SH3BGRL2: variants seen among roughly 807,000 people sequenced by gnomAD.
SH3BGRL2 encodes SH3 domain binding glutamate rich protein like 2.
A neutral mutation model predicts 14.8 loss-of-function variants in SH3BGRL2; 21 were observed. The observed-to-expected ratio is 1.42, with a 90% CI of 1.01 to 2.05. The LOEUF (loss-of-function observed/expected upper bound fraction) is 2.05, where lower values mean the gene tolerates loss of function less well. Ranked by LOEUF, SH3BGRL2 falls within the 30% of genes most tolerant of loss-of-function variation. SH3BGRL2 has a pLI of 0.00. For missense variants in SH3BGRL2, 147 were observed against 130.8 expected, an observed-to-expected ratio of 1.12 and a Z score of -0.61; for synonymous variants, 50 against 47.8, an observed-to-expected ratio of 1.05 and a Z score of -0.19.
chr6:79,593,181 A>G, the SH3BGRL2 span, among the ~76,000 whole-genome samples: 1 of 152,244 alleles, frequency 6.6e-6, no homozygotes, highest in East Asian at 1.9e-4. Context: ...AAACAACTGT[A>G]TACCTTCATT....
At chr6:79,549,146 AAC>A in the SH3BGRL2 span, among the ~76,000 whole-genome samples, 1 of 152,220 alleles carries the variant, frequency 6.6e-6, no homozygotes, top group South Asian at 2.1e-4. Context: ...AAAGATTAAA[AAC>A]ACACATTAAG....
At chr6:79,608,094 G>T in the SH3BGRL2 span, among the ~76,000 whole-genome samples, 2 of 152,192 alleles carry the variant, frequency 1.3e-5, no homozygotes, top group Non-Finnish European at 2.9e-5. Context: ...ACAGGAGGAA[G>T]AGAGCTAAGG....
chr6:79,627,971 A>G (rs1768762434), upstream of SH3BGRL2, among the ~76,000 whole-genome samples: 1 of 152,174 alleles, frequency 6.6e-6, no homozygotes, highest in Non-Finnish European at 1.5e-5. Flanking sequence ...TCTAACTGAA[A>G]TTTACCAATT....
chr6:79,584,287 A>G, the SH3BGRL2 span, among the ~76,000 whole-genome samples: 1 of 152,164 alleles, frequency 6.6e-6, no homozygotes, highest in Non-Finnish European at 1.5e-5. Context: ...ATGAATGCAT[A>G]TCTGTTGTTC....
chr6:79,687,009 C>T (rs879609626), intron 2 of SH3BGRL2, among the ~76,000 whole-genome samples: 2 of 152,178 alleles, frequency 1.3e-5, no homozygotes, highest in Non-Finnish European at 2.9e-5. Context: ...GCCTCTCAGG[C>T]CCCTGAAGCC....
In SH3BGRL2 at chr6:79,641,862, T is replaced by G. The variant is rs576032176; in HGVS notation, c.45+10356T>G. Among the ~76,000 whole-genome samples, 17 of 152,276 alleles carry G rather than the reference T, an allele frequency of 1.1e-4. No homozygotes were observed. In the East Asian group the frequency reaches 3.1e-3, roughly 28 times the overall value. ...GCTGAGAACGCATACAGGTATAATT[T>G]TAGGAGAGATTTTAGTAAATTTAAG... On this transcript the variant is annotated intron_variant, in intron 1 of 3. Coordinates refer to ENST00000369838, the MANE Select transcript of SH3BGRL2 (RefSeq NM_031469.4).
the SH3BGRL2 span, among the ~76,000 whole-genome samples, chr6:79,613,293 T>A: frequency 6.6e-6 from 1 of 152,238 alleles, no homozygotes; most frequent in East Asian, 1.9e-4. Context: ...ATCCAACTGT[T>A]CAAGTGCCTG....
At chr6:79,591,215 A>T in the SH3BGRL2 span, among the ~76,000 whole-genome samples, 1 of 152,198 alleles carries the variant, frequency 6.6e-6, no homozygotes, top group African/African-American at 2.4e-5. Context: ...GTAAGAAGAC[A>T]AGCATATAGA....
rs529086768 is a variant in SH3BGRL2 at position 79,701,515 on chromosome 6, G to T, written c.*2006G>T. 1 of 151,792 alleles carries T rather than the reference G, an allele frequency of 6.6e-6. No homozygotes were observed. Among genetic ancestry groups the T allele is most frequent in the South Asian group, 2.1e-4 (1 of 4,798 alleles). 9.4% of individuals were successfully genotyped at this position (151,792 alleles called of 1,614,324 possible). A position where few individuals can be genotyped will look rare whatever the true frequency, so the allele number is the denominator to read the frequency against. On this transcript the variant is annotated 3_prime_UTR_variant, in exon 4 of 4. Transcript: ENST00000369838. ...TTATATTATAATTTTTGAGTTAACCGTAGTATACCTATTATGATTATAGTA... is the reference window on the plus strand; with the variant it reads ...TTATATTATAATTTTTGAGTTAACCTTAGTATACCTATTATGATTATAGTA...
intron 1 of SH3BGRL2, among the ~76,000 whole-genome samples, chr6:79,655,562 C>T (rs922933075): frequency 1.2e-4 from 19 of 152,242 alleles, no homozygotes; most frequent in Admixed American, 6.5e-4. Context: ...AGAAATCTCA[C>T]ACCCCTTTAG....
intron 1 of SH3BGRL2, among the ~76,000 whole-genome samples, chr6:79,649,317 T>C (rs1769233538): frequency 6.6e-6 from 1 of 152,172 alleles, no homozygotes; most frequent in Non-Finnish European, 1.5e-5. Context: ...ACAGATTAAA[T>C]CAGGTTTGGC....
At chr6:79,695,293 T>C (rs1233587281) in intron 2 of SH3BGRL2, among the ~76,000 whole-genome samples, 2 of 152,248 alleles carry the variant, frequency 1.3e-5, no homozygotes, top group African/African-American at 4.8e-5. Flanking sequence ...AGGAGCAGCC[T>C]GTGAAAAACC....
intron 1 of SH3BGRL2, among the ~76,000 whole-genome samples, chr6:79,647,060 G>T (rs755470037): frequency 2.0e-5 from 3 of 152,174 alleles, no homozygotes; most frequent in African/African-American, 7.2e-5. Context: ...ATACCTAGGG[G>T]TGGAATTGGT....
At chr6:79,538,385 T>C in the SH3BGRL2 span, among the ~76,000 whole-genome samples, 19 of 152,192 alleles carry the variant, frequency 1.2e-4, no homozygotes, top group Admixed American at 6.5e-5. Context: ...TTGCACTGTT[T>C]CAAAGCTTTC....
chr6:79,610,151 G>A, the SH3BGRL2 span, among the ~76,000 whole-genome samples: 3 of 152,196 alleles, frequency 2.0e-5, no homozygotes, highest in Non-Finnish European at 2.9e-5. Flanking sequence ...CTATTTGATA[G>A]TGGTGAAAGA....
At chr6:79,592,324 C>T in the SH3BGRL2 span, among the ~76,000 whole-genome samples, 1 of 152,078 alleles carries the variant, frequency 6.6e-6, no homozygotes, top group East Asian at 1.9e-4. Context: ...CTAGGCCTCA[C>T]TAATATAAGG....
the SH3BGRL2 span, among the ~76,000 whole-genome samples, chr6:79,605,400 C>T: frequency 6.6e-6 from 1 of 152,186 alleles, no homozygotes; most frequent in African/African-American, 2.4e-5. Context: ...TAAATGAATA[C>T]CTTCATGATC....
At chr6:79,559,260 A>C in the SH3BGRL2 span, among the ~76,000 whole-genome samples, 1 of 151,856 alleles carries the variant, frequency 6.6e-6, no homozygotes, top group African/African-American at 2.4e-5. Flanking sequence ...ATCCAGGAGT[A>C]CGAGACCAGC....
chr6:79,633,212 T>A (rs541118496), intron 1 of SH3BGRL2, among the ~76,000 whole-genome samples: 2 of 152,224 alleles, frequency 1.3e-5, no homozygotes, highest in Non-Finnish European at 2.9e-5. Context: ...AGTTTTAGTG[T>A]GGGCCCCAAC....
Sources: allele counts gnomAD v4.1 joint callset (sites outside exome capture counted in the v4.1 genomes callset), GRCh38; gene constraint gnomAD v4.1.1; transcripts MANE v1.5; gene names NCBI Gene and HGNC (gene_info 2026-07-23, HGNC 2026-07-21).